ELF1: variants seen among roughly 807,000 people sequenced by gnomAD.
The protein encoded by ELF1 is ETS-related transcription factor Elf-1.
In ELF1, 24 loss-of-function variants were observed where a neutral mutation model predicts 59.9. The ratio of observed to expected loss-of-function variants is 0.40; its 90% CI spans 0.29 to 0.56. The LOEUF (loss-of-function observed/expected upper bound fraction) is 0.56. ELF1 is among the 20% of genes least tolerant of loss of function. The pLI is 0.44. For missense variants in ELF1, 627 were observed against 742.2 expected (o/e 0.84, Z 1.80); for synonymous variants, 248 against 266.2 (o/e 0.93, Z 0.67).
intron 1 of ELF1, among the ~76,000 whole-genome samples, chr13:41,046,372 C>A (rs1446731250): frequency 6.6e-6 from 1 of 152,204 alleles, no homozygotes; most frequent in African/African-American, 2.4e-5. Flanking sequence ...GCAGTTTCTT[C>A]CTAGCATCAA....
chr13:41,005,845 T>C (rs1021622198), intron 1 of ELF1, among the ~76,000 whole-genome samples: 38 of 146,458 alleles, frequency 2.6e-4, no homozygotes, highest in African/African-American at 9.3e-4. Context: ...ATGAATTCAA[T>C]TCATTACTCA....
intron 3 of ELF1, among the ~76,000 whole-genome samples, chr13:40,954,605 G>A (rs1207128490): frequency 7.2e-4 from 109 of 152,246 alleles, no homozygotes; most frequent in Non-Finnish European, 1.4e-3. Context: ...GCGCCGCCAC[G>A]CCTGACTGGT....
At chr13:40,964,249 A>T (rs756464449) in intron 2 of ELF1, among the ~76,000 whole-genome samples, 1 of 152,182 alleles carries the variant, frequency 6.6e-6, no homozygotes, top group Non-Finnish European at 1.5e-5. Context: ...CTAGGTTTAG[A>T]TTTTCAAAAC....
At chr13:40,945,143 T>G (rs751827954) in intron 5 of ELF1, among the ~76,000 whole-genome samples, 6 of 152,158 alleles carry the variant, frequency 3.9e-5, no homozygotes, top group Non-Finnish European at 5.9e-5. Context: ...TTCAGTAACC[T>G]CCACCTTATT....
intron 2 of ELF1, among the ~76,000 whole-genome samples, chr13:40,979,882 A>T (rs987192345): frequency 3.3e-5 from 5 of 152,196 alleles, no homozygotes; most frequent in Non-Finnish European, 2.9e-5. Context: ...TAGTTATTTT[A>T]TGTATCTTTT....
intron 2 of ELF1, among the ~76,000 whole-genome samples, chr13:40,967,507 T>A (rs1872253464): frequency 6.6e-6 from 1 of 152,256 alleles, no homozygotes; most frequent in African/African-American, 2.4e-5. Flanking sequence ...AATGTTTTGA[T>A]GATTAAAGCC....
chr13:41,028,307 C>G (rs1876021913), intron 1 of ELF1, among the ~76,000 whole-genome samples: 1 of 152,134 alleles, frequency 6.6e-6, no homozygotes, highest in African/African-American at 2.4e-5. Context: ...AAGAGTATGT[C>G]TGGAATACAG....
intron 1 of ELF1, among the ~76,000 whole-genome samples, chr13:40,992,245 T>C (rs909067275): frequency 6.6e-6 from 1 of 152,198 alleles, no homozygotes; most frequent in Non-Finnish European, 1.5e-5. Flanking sequence ...TAACTTGAAA[T>C]CAAATTTGTA....
chr13:41,040,752 A>G (rs1446213764), intron 1 of ELF1, among the ~76,000 whole-genome samples: 1 of 152,162 alleles, frequency 6.6e-6, no homozygotes, highest in Non-Finnish European at 1.5e-5. Flanking sequence ...GGTTCCTAAC[A>G]GGCCACGGAT....
chr13:40,968,286 G>T (rs542311035), intron 2 of ELF1, among the ~76,000 whole-genome samples: 1 of 152,102 alleles, frequency 6.6e-6, no homozygotes, highest in Non-Finnish European at 1.5e-5. Flanking sequence ...AAAGGAAATC[G>T]CTACACACAG....
chr13:41,017,413 C>G (rs1051088076), intron 1 of ELF1, among the ~76,000 whole-genome samples: 3 of 152,128 alleles, frequency 2.0e-5, no homozygotes, highest in African/African-American at 7.2e-5. Context: ...AAAAGTGAGG[C>G]AGTTGGACAA....
chr13:40,994,962 G>A (rs1469156028), intron 1 of ELF1, among the ~76,000 whole-genome samples: 2 of 152,140 alleles, frequency 1.3e-5, no homozygotes, highest in African/African-American at 2.4e-5. Flanking sequence ...GGGGTGAAAA[G>A]CCAGGGATAT....
intron 8 of ELF1, among the ~76,000 whole-genome samples, chr13:40,937,407 A>C (rs1461238762): frequency 6.6e-6 from 1 of 152,236 alleles, no homozygotes. Flanking sequence ...TTTACAGATA[A>C]GGAAACAGAC....
At chr13:41,009,665 T>TA (rs1874939399) in intron 1 of ELF1, among the ~76,000 whole-genome samples, 1 of 152,168 alleles carries the variant, frequency 6.6e-6, no homozygotes. Context: ...TTCCCAATTT[T>TA]AAAGAATTGG....
At chr13:40,990,850 C>CAAAA (rs56249931) in intron 1 of ELF1, among the ~76,000 whole-genome samples, 8 of 105,478 alleles carry the variant, frequency 7.6e-5, no homozygotes, top group African/African-American at 1.1e-4. Context: ...GACTCTGTCT[C>CAAAA]AAAAAAAAAA....
In ELF1 at chr13:40,933,633, G is replaced by A. The variant is rs150015002; in HGVS notation, c.1652C>T (p.Thr551Ile). ...AGTTTTGATAACTGAAGTGATTACA[G>A]TGCCAGGTGGGTGAGCAACCAGCTG... ...SSQLVAHPPG[T>I]VITSVIKTQE... Residue 551 changes from threonine to isoleucine, a missense_variant, in exon 9 of 9, where the codon ACT (threonine) becomes ATT (isoleucine). Physicochemically the swap from Thr to Ile is moderately conservative, Grantham distance 89 (BLOSUM62 -1). Coordinates refer to ENST00000239882, the MANE Select transcript of ELF1 (RefSeq NM_172373.4). 2.0e-4 allele frequency: 324 copies of A among 1,614,206 alleles called. 1 individual carries two copies. The highest frequency in any genetic ancestry group is 7.0e-4 in the South Asian group (64 of 91,088).
At chr13:40,965,530 T>C (rs1872120450) in intron 2 of ELF1, among the ~76,000 whole-genome samples, 1 of 151,836 alleles carries the variant, frequency 6.6e-6, no homozygotes. Flanking sequence ...GCCTGAGGCA[T>C]GAGAAGCTTG....
At chr13:41,000,837 G>A (rs1263996624) in intron 1 of ELF1, among the ~76,000 whole-genome samples, 1 of 151,252 alleles carries the variant, frequency 6.6e-6, no homozygotes, top group Admixed American at 6.6e-5. Context: ...ACAAAAATCT[G>A]ACACGTCCTC....
At chr13:41,037,580 A>G (rs944107467) in intron 1 of ELF1, among the ~76,000 whole-genome samples, 4 of 152,150 alleles carry the variant, frequency 2.6e-5, no homozygotes, top group Admixed American at 1.3e-4. Flanking sequence ...ATGGATCATG[A>G]GGTCAGGAGT....
Sources: allele counts gnomAD v4.1 joint callset (sites outside exome capture counted in the v4.1 genomes callset), GRCh38; gene constraint gnomAD v4.1.1; transcripts MANE v1.5; gene names NCBI Gene and HGNC (gene_info 2026-07-23, HGNC 2026-07-21).